Variants in ICA1 observed in about 807,000 individuals in gnomAD.
ICA1 encodes the protein 69 kDa islet cell autoantigen.
Under a neutral mutation model 71.0 loss-of-function variants are expected in ICA1, and 40 were observed. That is an observed-to-expected ratio of 0.56 (90% CI 0.44 to 0.73). The LOEUF (loss-of-function observed/expected upper bound fraction) is 0.73, where lower values mean the gene tolerates loss of function less well. Ranked by LOEUF, ICA1 falls within the 30% of genes least tolerant of loss-of-function variation. The pLI is 0.00. For synonymous variants in ICA1, 207 were observed against 209.5 expected, an observed-to-expected ratio of 0.99 and a Z score of 0.10; for missense variants, 578 against 576.5, an observed-to-expected ratio of 1.00 and a Z score of -0.03.
At chr7:8,135,014 A>G (rs1039566287) in intron 12 of ICA1, among the ~76,000 whole-genome samples, 13 of 126,716 alleles carry the variant, frequency 1.0e-4, no homozygotes, top group African/African-American at 3.9e-4. Flanking sequence ...ATATTTATAG[A>G]CTCTTTATAG....
chr7:8,256,729 TA>T (rs1449649998), intron 1 of ICA1, among the ~76,000 whole-genome samples: 5 of 152,200 alleles, frequency 3.3e-5, no homozygotes, highest in Non-Finnish European at 5.9e-5. Context: ...CACTAGACTG[TA>T]GGTCCCATGA....
At chr7:8,181,222 T>C (rs1296359767) in intron 6 of ICA1, among the ~76,000 whole-genome samples, 1 of 152,166 alleles carries the variant, frequency 6.6e-6, no homozygotes, top group African/African-American at 2.4e-5. Flanking sequence ...CAGCGTAATT[T>C]TCTAAAAAGA....
At chr7:8,237,246 A>T (rs1047563378) in intron 1 of ICA1, among the ~76,000 whole-genome samples, 1 of 152,156 alleles carries the variant, frequency 6.6e-6, no homozygotes, top group African/African-American at 2.4e-5. Flanking sequence ...TCAGTGCATC[A>T]TGGAGAGGCT....
intron 13 of ICA1, among the ~76,000 whole-genome samples, chr7:8,127,189 C>T (rs1176782721): frequency 6.6e-6 from 1 of 151,126 alleles, no homozygotes; most frequent in Non-Finnish European, 1.5e-5. Context: ...CAGGCTTCCA[C>T]CATTGTTGGC....
intron 2 of ICA1, among the ~76,000 whole-genome samples, chr7:8,233,219 T>C (rs1415762893): frequency 6.6e-6 from 1 of 152,122 alleles, no homozygotes; most frequent in African/African-American, 2.4e-5. Flanking sequence ...CTAAGATCTG[T>C]TACAGAGAAA....
intron 6 of ICA1, among the ~76,000 whole-genome samples, chr7:8,169,469 T>A (rs1005206326): frequency 6.6e-6 from 1 of 152,170 alleles, no homozygotes; most frequent in Non-Finnish European, 1.5e-5. Context: ...CATCATTTTG[T>A]ATTCCTACCA....
rs7802005 is a variant in ICA1 at position 8,158,650 on chromosome 7, T to C, written c.582A>G (p.Val194=). 3,394 of 1,613,902 alleles carry C rather than the reference T, an allele frequency of 2.1e-3. 63 individuals carry two copies. The African/African-American group carries it at 0.039, about 19-fold the overall frequency. The part of the protein sequence containing the change: ...LYKQMEKFRK[V]QTQVRLAKKN... ...TTTTTGCAAGGCGCACTTGTGTTTG[T>C]ACCTATGAAAATAAAGAGGAATTTC... Residue 194 remains valine (V), a splice_region_variant and synonymous_variant, in exon 7 of 14, where the codon GTA becomes GTG. Transcript: ENST00000402384.
intron 4 of ICA1, chr7:8,227,792 C>A: frequency 2.3e-6 from 1 of 428,944 alleles, no homozygotes; most frequent in South Asian, 1.7e-5. Context: ...CACTTTGTTG[C>A]CCAGGCTGGT....
intron 10 of ICA1, among the ~76,000 whole-genome samples, chr7:8,140,319 C>T (rs941002506): frequency 2.0e-5 from 3 of 152,210 alleles, no homozygotes; most frequent in Non-Finnish European, 4.4e-5. Flanking sequence ...CTGCCACTCG[C>T]TCCCCCTCAT....
At chr7:8,221,652 T>C (rs916520988) in intron 4 of ICA1, among the ~76,000 whole-genome samples, 2 of 152,154 alleles carry the variant, frequency 1.3e-5, no homozygotes, top group Non-Finnish European at 2.9e-5. Context: ...TAATCAGAAC[T>C]AGAAAATGAC....
chr7:8,260,486 T>C (rs1811880931), intron 1 of ICA1, among the ~76,000 whole-genome samples: 1 of 152,162 alleles, frequency 6.6e-6, no homozygotes, highest in South Asian at 2.1e-4. Flanking sequence ...TTTTTTAACA[T>C]CAGGTCTCTC....
intron 6 of ICA1, among the ~76,000 whole-genome samples, chr7:8,176,780 T>G (rs1174116846): frequency 6.6e-6 from 1 of 152,218 alleles, no homozygotes; most frequent in Non-Finnish European, 1.5e-5. Flanking sequence ...TGATTAGATG[T>G]CATACATACA....
chr7:8,241,698 C>G (rs1803957696), intron 1 of ICA1, among the ~76,000 whole-genome samples: 1 of 151,932 alleles, frequency 6.6e-6, no homozygotes, highest in African/African-American at 2.4e-5. Context: ...CACATAGGCT[C>G]AAAATAAAGG....
chr7:8,119,089 C>T (rs778443930), intron 13 of ICA1, among the ~76,000 whole-genome samples: 2 of 152,158 alleles, frequency 1.3e-5, no homozygotes, highest in African/African-American at 2.4e-5. Context: ...AGTGTGAGGA[C>T]GAGAGAGGTT....
Position 8,123,523 on chromosome 7 carries a change from G to A in ICA1, c.1330+4350C>T, listed in dbSNP as rs1787836872. Among the ~76,000 whole-genome samples the A allele has an allele frequency of 6.6e-6, 1 of 152,212 alleles. No individual in the cohort carries two copies. Among genetic ancestry groups the A allele is most frequent in the Admixed American group, 6.5e-5 (1 of 15,288 alleles). On this transcript the variant is annotated intron_variant, in intron 13 of 13. Coordinates refer to ENST00000402384, the MANE Select transcript of ICA1 (RefSeq NM_001136020.3). The surrounding 1 kb of genome is among the most constrained non-coding windows in gnomAD (Gnocchi z 4.1). ...ACGGAGAGCCAGGAAAACCTGAGAT[G>A]CAGCAGGAGTGTGCCAGAGCGAATG...
intron 6 of ICA1, among the ~76,000 whole-genome samples, chr7:8,198,439 T>C (rs766563826): frequency 3.3e-5 from 5 of 152,148 alleles, no homozygotes; most frequent in African/African-American, 9.7e-5. Context: ...ACAGAGGGCT[T>C]TGTGGGATGT....
intron 1 of ICA1, among the ~76,000 whole-genome samples, chr7:8,254,208 C>A (rs533232672): frequency 2.0e-5 from 3 of 152,226 alleles, no homozygotes; most frequent in African/African-American, 7.2e-5. Context: ...TATGCAGACA[C>A]CAATATGTGG....
chr7:8,227,371 A>C (rs1798913421), intron 4 of ICA1, among the ~76,000 whole-genome samples: 1 of 152,158 alleles, frequency 6.6e-6, no homozygotes, highest in Non-Finnish European at 1.5e-5. Flanking sequence ...TGGAGAGAGG[A>C]AGGAGAATCT....
Position 8,139,165 on chromosome 7 carries a change from G to T in ICA1, c.956-118C>A, listed in dbSNP as rs537853753. The T allele has an allele frequency of 2.0e-4, 150 of 759,182 alleles. 1 individual carries two copies. In the African/African-American group the frequency reaches 2.4e-3, roughly 12 times the overall value. The allele number at this position is 759,182 out of a possible 1,614,324, so 47.0% of individuals were successfully genotyped here. On this transcript the variant is annotated intron_variant, in intron 10 of 13. Coordinates refer to ENST00000402384, the MANE Select transcript of ICA1 (RefSeq NM_001136020.3). The stretch of plus-strand genomic sequence containing the variant: ...GGAAGAAATGGGATCCACAAACTCA[G>T]CCAGAAGCAAGGGTCCTCAGATTAC...
Sources: gnomAD v4.1 joint callset for allele counts (sites outside exome capture counted in the v4.1 genomes callset) on GRCh38, gnomAD v4.1.1 for gene constraint, Gnocchi (gnomAD v3.1) non-coding constraint, MANE v1.5 for transcripts, NCBI Gene and HGNC (gene_info 2026-07-23, HGNC 2026-07-21) for gene names.